PRKG1: variants seen among roughly 807,000 people sequenced by gnomAD.
PRKG1 encodes cGMP-dependent protein kinase 1.
Under a neutral mutation model 88.1 loss-of-function variants are expected in PRKG1, and 35 were observed. The ratio of observed to expected loss-of-function variants is 0.40; its 90% confidence interval spans 0.30 to 0.53. PRKG1 has a LOEUF of 0.53. PRKG1 is among the 20% of genes least tolerant of loss of function. The pLI, the probability that PRKG1 is intolerant of heterozygous loss-of-function variation, is 0.59. For synonymous variants in PRKG1, 303 were observed against 292.5 expected, an observed-to-expected ratio of 1.04 and a Z score of -0.37; for missense variants, 540 against 839.8, an observed-to-expected ratio of 0.64 and a Z score of 4.41.
rs965474724 is a variant in PRKG1, at chr10:52,091,921, T to G, written c.935+29290T>G. 6.6e-5 allele frequency among the ~76,000 whole-genome samples: 10 copies of G among 152,304 alleles called. No individual in the cohort carries two copies. The East Asian group carries it at 1.5e-3, about 24-fold the overall frequency. On this transcript the variant is annotated intron_variant, in intron 7 of 17. Transcript: ENST00000373980. ...CATCTTTTTGAAAGCGAATCAGATA[T>G]TTATTGTTCTGTATAAGGAAAGAGT... is the stretch of plus-strand genomic sequence containing the variant.
At chr10:52,140,261 G>T (rs1837539607) in intron 8 of PRKG1, among the ~76,000 whole-genome samples, 1 of 152,138 alleles carries the variant, frequency 6.6e-6, no homozygotes. Flanking sequence ...CCTGTATTCA[G>T]CTTTTTAAAA....
At chr10:52,183,756 G>C (rs1481533547) in intron 9 of PRKG1, among the ~76,000 whole-genome samples, 1 of 152,228 alleles carries the variant, frequency 6.6e-6, no homozygotes, top group Non-Finnish European at 1.5e-5. Context: ...AAGCCTGGGT[G>C]GGGGTGAGGG....
chr10:51,625,179 A>G (rs1839303923), intron 3 of PRKG1, among the ~76,000 whole-genome samples: 1 of 152,176 alleles, frequency 6.6e-6, no homozygotes, highest in Admixed American at 6.5e-5. Context: ...TGTGTGTACA[A>G]TTATAAATAA....
intron 2 of PRKG1, among the ~76,000 whole-genome samples, chr10:51,413,348 T>TG (rs887007725): frequency 1.4e-5 from 2 of 143,402 alleles, no homozygotes; most frequent in African/African-American, 4.9e-5. Flanking sequence ...AAAAATGTTT[T>TG]TTTTTTGTTT....
At position 51,512,440 on chromosome 10, in the gene PRKG1, C is replaced by T. The variant is rs1262802202; in HGVS notation, c.592+44604C>T. Among the ~76,000 whole-genome samples, 7 of 139,364 alleles carry T rather than the reference C, an allele frequency of 5.0e-5. No individual in the cohort carries two copies. The South Asian group carries it at 9.7e-4, about 19-fold the overall frequency. 91.4% of individuals were successfully genotyped at this position (139,364 alleles called of 152,430 possible). A position where few individuals can be genotyped will look rare whatever the true frequency, so the allele number is the denominator to read the frequency against. On this transcript the variant is annotated intron_variant, in intron 3 of 17. Transcript: ENST00000373980. ...ATTTCCACCTATGAGTGAGAATATG[C>T]GGTGTTTGGTTTTTTGTTCTTGCGA...
In PRKG1 at chr10:51,295,848, T is replaced by C. The variant is rs1441386172; in HGVS notation, c.478+142518T>C. ...CCTGTATTGTGTTTAAACAATTTCC[T>C]TCTATACCTATTTTGTTGAGAGTTT... On this transcript the variant is annotated intron_variant, in intron 2 of 17. Coordinates refer to ENST00000373980, the MANE Select transcript of PRKG1 (RefSeq NM_006258.4). 3.3e-5 allele frequency among the ~76,000 whole-genome samples: 5 copies of C among 152,200 alleles called. No homozygotes were observed. In the South Asian group the frequency reaches 8.3e-4, roughly 25 times the overall value.
At chr10:51,205,998 GTA>G (rs1320592833) in intron 2 of PRKG1, among the ~76,000 whole-genome samples, 1 of 152,114 alleles carries the variant, frequency 6.6e-6, no homozygotes, top group African/African-American at 2.4e-5. Context: ...TTTTCTGCCT[GTA>G]ATGAAATTAC....
At chr10:51,922,387 A>T (rs1233622740) in intron 5 of PRKG1, among the ~76,000 whole-genome samples, 4 of 151,148 alleles carry the variant, frequency 2.6e-5, no homozygotes, top group African/African-American at 4.8e-5. Flanking sequence ...TTTTGTTTTC[A>T]GTTTCATTGA....
At chr10:51,745,819 G>A (rs551868125) in intron 3 of PRKG1, among the ~76,000 whole-genome samples, 3 of 152,234 alleles carry the variant, frequency 2.0e-5, no homozygotes, top group Admixed American at 2.0e-4. Flanking sequence ...GACCAGCCTG[G>A]CCAACAGGGT....
chr10:51,663,401 G>T (rs1019341719), intron 3 of PRKG1, among the ~76,000 whole-genome samples: 2 of 151,894 alleles, frequency 1.3e-5, no homozygotes, highest in Admixed American at 1.3e-4. Flanking sequence ...CAACCTTAAA[G>T]CTGTTTAGAA....
At chr10:51,737,470 G>A (rs144822638) in intron 3 of PRKG1, among the ~76,000 whole-genome samples, 91 of 152,240 alleles carry the variant, frequency 6.0e-4, no homozygotes, top group Non-Finnish European at 1.1e-3. Context: ...ATTGAGAGAC[G>A]TTAAATGGCA....
intron 9 of PRKG1, among the ~76,000 whole-genome samples, chr10:52,226,200 C>T (rs1214026661): frequency 1.3e-5 from 2 of 152,014 alleles, no homozygotes; most frequent in Admixed American, 6.6e-5. Flanking sequence ...GTTTTGATTA[C>T]AAAACTCAGA....
At chr10:52,126,178 G>A (rs74843020) in intron 7 of PRKG1, among the ~76,000 whole-genome samples, 1,675 of 152,072 alleles carry the variant, frequency 0.011, 24 homozygotes, top group East Asian at 0.051. Context: ...AGGGGAGGTG[G>A]TGGTGGGGCA....
chr10:51,334,673 A>T lies in PRKG1; in HGVS notation c.479-133050A>T, dbSNP rs1588852071. Among the ~76,000 whole-genome samples the T allele has an allele frequency of 2.0e-5, 3 of 152,260 alleles. No individual in the cohort carries two copies. The South Asian group carries it at 6.2e-4, about 32-fold the overall frequency. The stretch of plus-strand genomic sequence containing the variant: ...CCAAGGAACAACTTTTATCTAGCTA[A>T]ATTGGCTATGAACTCCCACCCATTT... On this transcript the variant is annotated intron_variant, in intron 2 of 17. Coordinates refer to ENST00000373980, the MANE Select transcript of PRKG1 (RefSeq NM_006258.4).
intron 2 of PRKG1, among the ~76,000 whole-genome samples, chr10:51,226,203 G>A (rs1444647807): frequency 6.6e-6 from 1 of 152,118 alleles, no homozygotes; most frequent in African/African-American, 2.4e-5. Flanking sequence ...GACTCTGTCT[G>A]CAAAAACAAA....
chr10:51,637,320 G>T lies in PRKG1; in HGVS notation c.593-167265G>T, dbSNP rs961164196. ...AAGGAATTCCTTTACACTGTTGGTG[G>T]GAGTGTAAATTAGTTCAGCCATTGT... On this transcript the variant is annotated intron_variant, in intron 3 of 17. Transcript: ENST00000373980. 5.6e-4 allele frequency among the ~76,000 whole-genome samples: 85 copies of T among 152,256 alleles called. 2 individuals are homozygous for T. Among genetic ancestry groups the T allele is most frequent in the Non-Finnish European group, 2.9e-5 (2 of 68,018 alleles).
intron 5 of PRKG1, among the ~76,000 whole-genome samples, chr10:51,990,066 CTATT>C (rs1224356271): frequency 6.6e-6 from 1 of 152,048 alleles, no homozygotes; most frequent in Non-Finnish European, 1.5e-5. Context: ...TATTTCAACA[CTATT>C]TATTGAAGAG....
At chr10:52,183,887 T>G (rs1276798280) in intron 9 of PRKG1, among the ~76,000 whole-genome samples, 2 of 152,228 alleles carry the variant, frequency 1.3e-5, no homozygotes, top group East Asian at 3.8e-4. Context: ...ATTATCCTTA[T>G]TTGTGATGGC....
At chr10:51,206,987 T>A (rs1589243817) in intron 2 of PRKG1, among the ~76,000 whole-genome samples, 4 of 152,228 alleles carry the variant, frequency 2.6e-5, no homozygotes, top group African/African-American at 2.4e-5. Flanking sequence ...TAGTTTTTTT[T>A]AAATTGTAGT....
Sources: gnomAD v4.1 joint callset for allele counts (sites outside exome capture counted in the v4.1 genomes callset) on GRCh38, gnomAD v4.1.1 for gene constraint, MANE v1.5 for transcripts, NCBI Gene and HGNC (gene_info 2026-07-23, HGNC 2026-07-21) for gene names.